The following TYK2 variants were observed in gnomAD, a reference collection of about 807,000 sequenced individuals.
TYK2 encodes the protein tyrosine kinase 2.
A neutral mutation model predicts 130.9 loss-of-function variants in TYK2; 65 were observed. That is an observed-to-expected ratio of 0.50 (90% CI 0.41 to 0.61). TYK2 has a LOEUF of 0.61. TYK2 is among the 20% of genes least tolerant of loss of function. TYK2 has a pLI of 0.00. For synonymous variants in TYK2, 647 were observed against 658.9 expected (o/e 0.98, Z 0.28); for missense variants, 1,378 against 1,610.7 (o/e 0.86, Z 2.47).
In TYK2 at chr19:10,354,241, G is replaced by A. The variant is rs775373425; in HGVS notation, c.2716-7C>T. On this transcript the variant is annotated splice_region_variant and splice_polypyrimidine_tract_variant and intron_variant, in intron 19 of 24. Transcript: ENST00000525621. The stretch of plus-strand genomic sequence containing the variant: ...TGACCTTGCCGAAGTGACCCTGGTC[G>A]GGAGCGCACGAGGGTCAGCTCCACC... 1.2e-6 allele frequency: 2 copies of A among 1,610,362 alleles called. No homozygotes were observed. Among genetic ancestry groups the A allele is most frequent in the Non-Finnish European group, 8.5e-7 (1 of 1,179,966 alleles).
chr19:10,374,052 G>T (rs2042017522), intron 3 of TYK2, among the ~76,000 whole-genome samples: 1 of 152,002 alleles, frequency 6.6e-6, no homozygotes, highest in South Asian at 2.1e-4. Flanking sequence ...GGATCACGAG[G>T]TCAGGAGATC....
intron 7 of TYK2, 71 bp from the exon 8 acceptor site, chr19:10,365,119 G>T: frequency 1.4e-6 from 2 of 1,468,218 alleles, no homozygotes; most frequent in South Asian, 1.3e-5. Flanking sequence ...ACTTTCCCCT[G>T]GGGAGAGACT....
chr19:10,378,833 A>ATATCT (rs58371844), intron 2 of TYK2, among the ~76,000 whole-genome samples: 13,171 of 148,762 alleles, frequency 0.089, 657 homozygotes, highest in Admixed American at 0.14. Context: ...GTTTTATTTT[A>ATATCT]TATCTTATCT....
Position 10,351,231 on chromosome 19 carries a change from A to T in TYK2, c.3319-69T>A, listed in dbSNP as rs553143314. 6.5e-4 allele frequency: 828 copies of T among 1,280,428 alleles called. 1 individual carries two copies. The African/African-American group carries it at 0.011, about 17-fold the overall frequency. 79.3% of individuals were successfully genotyped at this position (1,280,428 alleles called of 1,614,324 possible). A position where few individuals can be genotyped will look rare whatever the true frequency, so the allele number is the denominator to read the frequency against. On this transcript the variant is annotated intron_variant, in intron 23 of 24. Transcript: ENST00000525621. ...GGCAGGCACGGTGGCTCATGCCTGT[A>T]ATCCCAGCACTTTGGAAGGCTGAGG...
At chr19:10,371,511 A>C (rs1213015258) in intron 3 of TYK2, among the ~76,000 whole-genome samples, 1 of 151,904 alleles carries the variant, frequency 6.6e-6, no homozygotes, top group Admixed American at 6.6e-5. Flanking sequence ...GTGGTGGCGC[A>C]TGCCTGTAAT....
At position 10,354,022 on chromosome 19, in the gene TYK2, A is replaced by C; in HGVS notation, c.2908+20T>G. 6.2e-7 allele frequency: 1 copy of C among 1,612,590 alleles called. No homozygotes were observed. Among genetic ancestry groups the C allele is most frequent in the Non-Finnish European group, 8.5e-7 (1 of 1,179,444 alleles). ...AACCACGCCCCCTCAAGTCTCTAGG[A>C]CTCGCCGGGTCCCGCCCACCTTGGT... On this transcript the variant is annotated intron_variant, in intron 20 of 24. Coordinates refer to ENST00000525621, the MANE Select transcript of TYK2 (RefSeq NM_003331.5).
At chr19:10,358,239 G>A (rs563256008) in intron 15 of TYK2, 101 bp from the exon 16 acceptor site, 1 of 1,163,092 alleles carries the variant, frequency 8.6e-7, no homozygotes, top group Non-Finnish European at 1.2e-6. Context: ...AAGGACAACT[G>A]TGACTATCAC....
Position 10,362,091 on chromosome 19 carries a change from T to C in TYK2, c.1760A>G (p.Lys587Arg), listed in dbSNP as rs2041434488. The change falls in exon 12 of 25, where the codon AAG becomes AGG. Residue 587 changes from lysine to arginine, a missense_variant. Physicochemically the swap from Lys to Arg is conservative, Grantham distance 26 (BLOSUM62 2). Coordinates refer to ENST00000525621, the MANE Select transcript of TYK2 (RefSeq NM_003331.5). The part of the protein sequence containing the change: ...SQLSFHRVDQ[K>R]EITQLSHLGQ... ...CCCTGCACCCACCTGGGTGATCTCC[T>C]TCTGGTCAACCCGGTGGAAGCTGAG... 6.2e-7 allele frequency: 1 copy of C among 1,613,942 alleles called. No individual in the cohort carries two copies. The highest frequency in any genetic ancestry group is 1.3e-5 in the African/African-American group (1 of 74,924).
rs755523164 is a variant in TYK2 at position 10,362,448 on chromosome 19, G to A, written c.1485C>T (p.Asp495=). ...LTVAQRSQAP[D]GMQSLRLRKF... The stretch of plus-strand genomic sequence containing the variant: ...TTCGGAGCCGCAAGCTCTGCATGCC[G>A]TCTGGTGCCTGGCAGGAGGTGGCAG... Residue 495 remains aspartate, a synonymous_variant, in exon 11 of 25, where the codon GAC becomes GAT. Transcript: ENST00000525621. 5.8e-5 allele frequency: 93 copies of A among 1,601,492 alleles called. 2 individuals carry two copies. Among genetic ancestry groups the A allele is most frequent in the South Asian group, 3.8e-4 (34 of 89,606 alleles).
intron 2 of TYK2, among the ~76,000 whole-genome samples, chr19:10,378,833 ATATCT>A (rs58371844): frequency 0.13 from 19,101 of 148,728 alleles, 1,351 homozygotes; most frequent in South Asian, 0.17. Context: ...GTTTTATTTT[ATATCT>A]TATCTTATCT....
intron 3 of TYK2, among the ~76,000 whole-genome samples, chr19:10,372,541 G>A (rs1029410172): frequency 2.3e-5 from 3 of 131,772 alleles, no homozygotes; most frequent in Non-Finnish European, 4.7e-5. Context: ...CTAGGCTGAA[G>A]GGCAGTGGCA....
intron 3 of TYK2, among the ~76,000 whole-genome samples, chr19:10,371,746 A>T (rs2041915159): frequency 6.6e-6 from 1 of 152,162 alleles, no homozygotes; most frequent in Non-Finnish European, 1.5e-5. Context: ...GCAGAATGAC[A>T]TGAGTAATTC....
rs2040863766 is a variant in TYK2, at chr19:10,352,543, G to A, written c.3209C>T (p.Pro1070Leu). 6.5e-7 allele frequency: 1 copy of A among 1,548,762 alleles called. No individual in the cohort carries two copies. Among genetic ancestry groups the A allele is most frequent in the Non-Finnish European group, 8.8e-7 (1 of 1,141,646 alleles). Reference sequence around the variant, plus strand: ...GAACTTATACTCCTTCAGGCACTCTGGGGCATACCTAGGGGGAGGGGGGCA... The same window carrying A: ...GAACTTATACTCCTTCAGGCACTCTAGGGCATACCTAGGGGGAGGGGGGCA... ...DGDSPVFWYA[P>L]ECLKEYKFYY... The change falls in exon 23 of 25, where the codon CCA (proline) becomes CTA (leucine). Residue 1070 changes from proline (P) to leucine (L), a missense_variant. Coordinates refer to ENST00000525621, the MANE Select transcript of TYK2 (RefSeq NM_003331.5).
chr19:10,357,623 G>A (rs1568330460), intron 17 of TYK2, 141 bp downstream of exon 17: 2 of 1,175,332 alleles, frequency 1.7e-6, no homozygotes, highest in East Asian at 2.5e-5. Context: ...GAGCCCCAGC[G>A]AGTGGCCCAC....
At chr19:10,369,815 G>A (rs1397001119) in intron 3 of TYK2, 1 of 441,960 alleles carries the variant, frequency 2.3e-6, no homozygotes, top group East Asian at 7.4e-5. Context: ...AGGCTGAGGT[G>A]GGCAGACCAC....
chr19:10,364,500 A>C lies in TYK2; in HGVS notation c.1367+114T>G, dbSNP rs2041555566. ...CTGCACTCCAGTTTGGGCGACAAAA[A>C]ATAAAAAAAAAATAAGACGTGCACC... On this transcript the variant is annotated intron_variant, in intron 9 of 24. Coordinates refer to ENST00000525621, the MANE Select transcript of TYK2 (RefSeq NM_003331.5). This position sits in a 1 kb window ranked among gnomAD's most constrained non-coding sequence, Gnocchi z 4.9. 1 of 1,318,236 alleles carries C rather than the reference A, an allele frequency of 7.6e-7. No homozygotes were observed. The highest frequency in any genetic ancestry group is 1.1e-6 in the Non-Finnish European group (1 of 945,454). 81.7% of individuals were successfully genotyped at this position (1,318,236 alleles called of 1,614,324 possible). A position where few individuals can be genotyped will look rare whatever the true frequency, so the allele number is the denominator to read the frequency against.
chr19:10,365,770 T>C lies in TYK2; in HGVS notation c.758A>G (p.Gln253Arg). 1 of 1,612,792 alleles carries C rather than the reference T, an allele frequency of 6.2e-7. No homozygotes were observed. Residue 253 changes from glutamine (Q) to arginine (R), a missense_variant, in exon 7 of 25, where the codon CAG becomes CGG. By Grantham distance (43) the Gln-to-Arg change is conservative. Transcript: ENST00000525621. The part of the protein sequence containing the change: ...RDFQPGRLSQ[Q>R]MVMVKYLATL... ...GGCTAGGTATTTGACCATGACCATC[T>C]GCTGGGAGAGTCGGCCCGGCTGGAA...
Position 10,359,289 on chromosome 19 carries a change from T to C in TYK2, c.2061A>G (p.Thr687=), listed in dbSNP as rs533647049. ...CVRGPENIMV[T]EYVEHGPLDV... ...CCAGGGGTCCGTGCTCCACGTACTC[T>C]GTCACCATGATATCTGTAAAGACAC... is the stretch of plus-strand genomic sequence containing the variant. The change falls in exon 15 of 25, where the codon ACA becomes ACG. Residue 687 remains threonine (T), a synonymous_variant. Transcript: ENST00000525621. 1.6e-5 allele frequency: 25 copies of C among 1,611,532 alleles called. No homozygotes were observed. The highest frequency in any genetic ancestry group is 1.6e-4 in the Middle Eastern group (1 of 6,082).
intron 23 of TYK2, chr19:10,351,629 A>C (rs1351291974): frequency 4.2e-6 from 1 of 236,178 alleles, no homozygotes; most frequent in African/African-American, 2.3e-5. Flanking sequence ...AAATAGGGTA[A>C]TAACATCTGC....
Sources: gnomAD v4.1 joint callset for allele counts (sites outside exome capture counted in the v4.1 genomes callset) on GRCh38, gnomAD v4.1.1 for gene constraint, Gnocchi (gnomAD v3.1) non-coding constraint, MANE v1.5 for transcripts, NCBI Gene and HGNC (gene_info 2026-07-23, HGNC 2026-07-21) for gene names.